Variants in SLC4A8 observed in about 807,000 individuals in gnomAD.
SLC4A8 encodes electroneutral sodium bicarbonate exchanger 1.
Under a neutral mutation model 125.0 loss-of-function variants are expected in SLC4A8, and 40 were observed. The ratio of observed to expected loss-of-function variants is 0.32; its 90% CI spans 0.25 to 0.42. SLC4A8 has a LOEUF of 0.42. SLC4A8 is among the 10% of genes least tolerant of loss of function. SLC4A8 has a pLI of 1.00. For missense variants in SLC4A8, 863 were observed against 1,355.1 expected (o/e 0.64, Z 5.70); for synonymous variants, 456 against 476.0 (o/e 0.96, Z 0.55).
intron 19 of SLC4A8, among the ~76,000 whole-genome samples, chr12:51,490,616 A>ACATGG (rs1333826720): frequency 4.7e-5 from 7 of 149,306 alleles, no homozygotes; most frequent in African/African-American, 1.7e-4. Flanking sequence ...GGATGGTGGG[A>ACATGG]CATGGCATGG....
intron 1 of SLC4A8, among the ~76,000 whole-genome samples, chr12:51,418,102 T>G (rs1340888167): frequency 6.6e-6 from 1 of 152,218 alleles, no homozygotes. Flanking sequence ...GAGATCATAA[T>G]GGGCTACAAG....
Position 51,470,493 on chromosome 12 carries a change from T to C in SLC4A8, c.1626T>C (p.Leu542=). The stretch of plus-strand genomic sequence containing the variant: ...TCCTGGGAAGTACTGGACCAGTGCT[T>C]GTGTTTGAAAAGATTTTGTTCAAAT... ...LTILGSTGPV[L]VFEKILFKFC... Residue 542 remains leucine, a synonymous_variant, in exon 13 of 25, where the codon CTT becomes CTC. Transcript: ENST00000453097. 6.2e-7 allele frequency: 1 copy of C among 1,613,922 alleles called. No homozygotes were observed. The highest frequency in any genetic ancestry group is 8.5e-7 in the Non-Finnish European group (1 of 1,179,790).
chr12:51,423,822 T>C (rs1227737076), upstream of SLC4A8, among the ~76,000 whole-genome samples: 1 of 151,670 alleles, frequency 6.6e-6, no homozygotes, highest in African/African-American at 2.4e-5. Context: ...TCACCTGAGG[T>C]CAGGAGTTCC....
At chr12:51,415,865 C>G (rs1474345071) in intron 1 of SLC4A8, among the ~76,000 whole-genome samples, 1 of 147,794 alleles carries the variant, frequency 6.8e-6, no homozygotes, top group Non-Finnish European at 1.5e-5. Context: ...CCCAGCATTA[C>G]ACAATATAAC....
intron 24 of SLC4A8, 128 bp downstream of exon 24, chr12:51,506,058 C>G (rs1592285271): frequency 1.7e-6 from 1 of 600,814 alleles, no homozygotes; most frequent in Non-Finnish European, 3.0e-6. Context: ...GGAACTGCCG[C>G]TAACCACATA....
chr12:51,393,027 CCTTTTTT>C (rs924601178), intron 1 of SLC4A8, among the ~76,000 whole-genome samples: 46 of 150,746 alleles, frequency 3.1e-4, no homozygotes, highest in African/African-American at 9.0e-4. Flanking sequence ...CCGCCTCCCT[CCTTTTTT>C]CTTTTTTCTT....
chr12:51,413,830 G>A (rs536462020), intron 1 of SLC4A8, among the ~76,000 whole-genome samples: 18 of 152,094 alleles, frequency 1.2e-4, no homozygotes, highest in Admixed American at 1.2e-3. Context: ...CTAGCTCTGT[G>A]GTATATTTTA....
chr12:51,470,591 C>T (rs1950663216), intron 13 of SLC4A8, 66 bp downstream of exon 13: 2 of 1,424,238 alleles, frequency 1.4e-6, no homozygotes, highest in Non-Finnish European at 2.0e-6. Flanking sequence ...GATTAAATGT[C>T]AGGGTTCTAC....
At chr12:51,450,478 A>G (rs913685885) in intron 2 of SLC4A8, among the ~76,000 whole-genome samples, 1 of 152,150 alleles carries the variant, frequency 6.6e-6, no homozygotes, top group African/African-American at 2.4e-5. Context: ...CTGTGCTCTT[A>G]ACGACTTTTC....
chr12:51,488,955 A>G, intron 18 of SLC4A8, 95 bp downstream of exon 18: 1 of 911,370 alleles, frequency 1.1e-6, no homozygotes, highest in East Asian at 2.5e-5. Flanking sequence ...AAATTGTAGA[A>G]TCTCATAGAA....
intron 22 of SLC4A8, among the ~76,000 whole-genome samples, chr12:51,500,458 C>T (rs1937806344): frequency 6.6e-6 from 1 of 151,846 alleles, no homozygotes. Context: ...ATATATAGCA[C>T]ATATATATTC....
At chr12:51,394,925 A>G (rs1948228256) in intron 1 of SLC4A8, among the ~76,000 whole-genome samples, 1 of 152,160 alleles carries the variant, frequency 6.6e-6, no homozygotes, top group Non-Finnish European at 1.5e-5. Flanking sequence ...GTTACTTCGG[A>G]GGCTCAGGTG....
At chr12:51,453,472 C>T (rs998603974) in intron 4 of SLC4A8, 67 bp from the exon 5 acceptor site, 13 of 1,505,186 alleles carry the variant, frequency 8.6e-6, no homozygotes, top group East Asian at 4.5e-5. Context: ...TGGCTCACAT[C>T]GAAGATTCTC....
chr12:51,431,956 T>A lies in SLC4A8; in HGVS notation c.48+6921T>A, dbSNP rs139373594. 3.1e-3 allele frequency among the ~76,000 whole-genome samples: 467 copies of A among 152,322 alleles called. 3 individuals are homozygous for A. The highest frequency in any genetic ancestry group is 0.011 in the African/African-American group (444 of 41,568). ...CAATCTTAGCATACTGACTTACTAA[T>A]GTTAGTAAGGAACACAGACTTGATT... On this transcript the variant is annotated intron_variant, in intron 1 of 24. Transcript: ENST00000453097.
At chr12:51,494,413 CT>C (rs11363276) in intron 20 of SLC4A8, 63,741 of 132,814 alleles carry the variant, frequency 0.48, 14,387 homozygotes, top group Non-Finnish European at 0.52. Flanking sequence ...TCTTTTTTTT[CT>C]TTTTTTTTTT....
At chr12:51,439,632 G>A (rs907778240) in intron 1 of SLC4A8, among the ~76,000 whole-genome samples, 1 of 151,998 alleles carries the variant, frequency 6.6e-6, no homozygotes, top group African/African-American at 2.4e-5. Flanking sequence ...AGAAAGAAAT[G>A]CCTAATATGA....
chr12:51,474,635 T>C, intron 15 of SLC4A8, 188 bp downstream of exon 15: 5 of 1,059,196 alleles, frequency 4.7e-6, no homozygotes, highest in Non-Finnish European at 6.6e-6. Flanking sequence ...AGGGAGAAGA[T>C]TACCCTTCTC....
At chr12:51,485,566 A>G (rs1951141254) in intron 16 of SLC4A8, among the ~76,000 whole-genome samples, 1 of 152,178 alleles carries the variant, frequency 6.6e-6, no homozygotes, top group South Asian at 2.1e-4. Flanking sequence ...GGTCTGGGTT[A>G]TGTTAGCATT....
In SLC4A8 at chr12:51,417,503, T is replaced by C. The variant is rs549902549; in HGVS notation, c.-111-23205T>C. Reference sequence around the variant, plus strand: ...CTGGGATTACAGGCATGCGCCACCATGCCCAGCTAATTTTTGTATTTTTTT... The same window carrying C: ...CTGGGATTACAGGCATGCGCCACCACGCCCAGCTAATTTTTGTATTTTTTT... On this transcript the variant is annotated intron_variant, in intron 1 of 24. Transcript: ENST00000358657. Among the ~76,000 whole-genome samples the C allele has an allele frequency of 3.2e-3, 450 of 142,068 alleles. 2 individuals are homozygous for C. The highest frequency in any genetic ancestry group is 0.011 in the African/African-American group (436 of 37,950). The allele number at this position is 142,068 out of a possible 152,430, so 93.2% of individuals were successfully genotyped here.
Sources: allele counts gnomAD v4.1 joint callset (sites outside exome capture counted in the v4.1 genomes callset), GRCh38; gene constraint gnomAD v4.1.1; transcripts MANE v1.5; gene names NCBI Gene and HGNC (gene_info 2026-07-23, HGNC 2026-07-21).